Variants in UROS observed in about 807,000 individuals in gnomAD.
The protein encoded by UROS is uroporphyrinogen III synthase.
UROS carries 18 observed loss-of-function variants against 33.0 expected under a neutral mutation model. That is an observed-to-expected ratio of 0.55 (90% CI 0.38 to 0.81). The LOEUF (loss-of-function observed/expected upper bound fraction) is 0.81. Ranked by LOEUF, UROS falls within the 30% of genes least tolerant of loss-of-function variation. The pLI, the probability that UROS is intolerant of heterozygous loss-of-function variation, is 0.00. For missense variants in UROS, 293 were observed against 314.9 expected (o/e 0.93, Z 0.53); for synonymous variants, 114 against 121.1 (o/e 0.94, Z 0.38).
intron 1 of UROS, chr10:125,819,670 AC>A (rs986577503): frequency 6.5e-6 from 1 of 152,742 alleles, no homozygotes; most frequent in African/African-American, 2.4e-5. Flanking sequence ...GATCAGAGGC[AC>A]TATATGGCCC....
intron 7 of UROS, 85 bp from the exon 8 acceptor site, chr10:125,796,273 C>T: frequency 7.6e-7 from 1 of 1,310,326 alleles, no homozygotes; most frequent in East Asian, 2.3e-5. Flanking sequence ...GTTGGTGAAA[C>T]CTCCCAATAC....
At chr10:125,801,745 T>C (rs1169942142) in intron 6 of UROS, among the ~76,000 whole-genome samples, 1 of 152,224 alleles carries the variant, frequency 6.6e-6, no homozygotes, top group Non-Finnish European at 1.5e-5. Context: ...CCAGATAAGG[T>C]CAGAATATGT....
chr10:125,816,625 T>C lies in UROS; in HGVS notation c.-26-100A>G, dbSNP rs903406187. The C allele has an allele frequency of 2.2e-5, 26 of 1,195,804 alleles. No individual in the cohort carries two copies. In the African/African-American group the frequency reaches 3.4e-4, roughly 16 times the overall value. 74.1% of individuals were successfully genotyped at this position (1,195,804 alleles called of 1,614,324 possible). ...ACACAAGAAGAAGGCAATCAAATGC[T>C]TGTGGAAGAGACCTATCCCTCCTAC... On this transcript the variant is annotated intron_variant, in intron 1 of 9. Transcript: ENST00000368797.
At chr10:125,807,639 G>A (rs746669454) in intron 5 of UROS, 152 bp from the exon 6 acceptor site, 9 of 708,686 alleles carry the variant, frequency 1.3e-5, no homozygotes, top group Non-Finnish European at 2.3e-5. Context: ...AAGATCACAA[G>A]TGTCTGTTCA....
At chr10:125,796,637 C>T (rs918813734) in intron 7 of UROS, among the ~76,000 whole-genome samples, 1 of 151,992 alleles carries the variant, frequency 6.6e-6, no homozygotes, top group Admixed American at 6.5e-5. Flanking sequence ...CATGGCCACG[C>T]GTCCCCTCTC....
intron 7 of UROS, chr10:125,796,855 C>T (rs1339483939): frequency 5.1e-6 from 5 of 985,304 alleles, no homozygotes; most frequent in Non-Finnish European, 6.0e-6. Context: ...AGTGAAAACT[C>T]AGGCTTCTGA....
intron 5 of UROS, among the ~76,000 whole-genome samples, chr10:125,810,079 T>C (rs1852672298): frequency 6.6e-6 from 1 of 152,174 alleles, no homozygotes; most frequent in South Asian, 2.1e-4. Context: ...CTAACCTGAT[T>C]CCCAGGCTCT....
At chr10:125,818,589 A>G (rs1166204151) in intron 1 of UROS, among the ~76,000 whole-genome samples, 1 of 152,172 alleles carries the variant, frequency 6.6e-6, no homozygotes, top group Non-Finnish European at 1.5e-5. Context: ...CTGATTGGGA[A>G]AGAAATCAAT....
chr10:125,806,994 G>A (rs570755257), intron 6 of UROS, among the ~76,000 whole-genome samples: 164 of 152,182 alleles, frequency 1.1e-3, no homozygotes, highest in Non-Finnish European at 1.5e-3. Flanking sequence ...GCCCAATCAT[G>A]AGTCAGTTCT....
chr10:125,821,278 A>G (rs907524777), intron 1 of UROS, among the ~76,000 whole-genome samples: 1 of 152,272 alleles, frequency 6.6e-6, no homozygotes, highest in Non-Finnish European at 1.5e-5. Flanking sequence ...AATGTGGTCT[A>G]TACATGCAAT....
intron 6 of UROS, chr10:125,802,846 G>A (rs1851958630): frequency 1.3e-6 from 2 of 1,507,364 alleles, no homozygotes; most frequent in South Asian, 1.3e-5. Context: ...TTGAGGTCAG[G>A]AGGTCCCAGC....
At chr10:125,815,240 A>C in intron 3 of UROS, 110 bp from the exon 4 acceptor site, 1 of 1,189,186 alleles carries the variant, frequency 8.4e-7, no homozygotes, top group Non-Finnish European at 1.2e-6. Context: ...TAGGCAAACT[A>C]ATTCCTTCCA....
chr10:125,799,117 C>T (rs535089700), intron 6 of UROS, among the ~76,000 whole-genome samples: 1 of 152,304 alleles, frequency 6.6e-6, no homozygotes, highest in Admixed American at 6.5e-5. Flanking sequence ...TCCAGTACCA[C>T]CTCTAGCAAG....
chr10:125,796,044 C>T, intron 8 of UROS, 59 bp downstream of exon 8: 4 of 1,494,790 alleles, frequency 2.7e-6, no homozygotes, highest in Non-Finnish European at 3.7e-6. Context: ...GTGCCCTTCA[C>T]CCTCTGCTTC....
At chr10:125,809,271 G>A (rs1364022299) in intron 5 of UROS, among the ~76,000 whole-genome samples, 1 of 152,234 alleles carries the variant, frequency 6.6e-6, no homozygotes, top group Non-Finnish European at 1.5e-5. Context: ...ATGGCGCCCA[G>A]GTCCAACTTT....
In UROS at chr10:125,818,553, C is replaced by T. The variant is rs150985528; in HGVS notation, c.-26-2028G>A. 6.8e-4 allele frequency among the ~76,000 whole-genome samples: 103 copies of T among 152,130 alleles called. No homozygotes were observed. The South Asian group carries it at 0.01, about 15-fold the overall frequency. On this transcript the variant is annotated intron_variant, in intron 1 of 9. Coordinates refer to ENST00000368797, the MANE Select transcript of UROS (RefSeq NM_000375.3). ...AGGTTCTGTTGTTGATGATTCTTTGCTGTGCTAGAGTCACATATTATCAGG... is the reference window on the plus strand; with the variant it reads ...AGGTTCTGTTGTTGATGATTCTTTGTTGTGCTAGAGTCACATATTATCAGG...
chr10:125,799,892 C>G (rs1028603728), intron 6 of UROS, among the ~76,000 whole-genome samples: 1 of 152,160 alleles, frequency 6.6e-6, no homozygotes, highest in Non-Finnish European at 1.5e-5. Context: ...GAGTTATTCC[C>G]TTTTGGAATA....
rs572750370 is a variant in UROS at position 125,792,415 on chromosome 10, G to A, written c.660+2465C>T. ...AAACTGGACGTGAGTGCACCAGCCT[G>A]GCTTTGGGGGCAGCAGCCACGTTCA... is the stretch of plus-strand genomic sequence containing the variant. On this transcript the variant is annotated intron_variant, in intron 9 of 9. Transcript: ENST00000368797. 3.3e-5 allele frequency: 5 copies of A among 152,352 alleles called. No homozygotes were observed. In the South Asian group the frequency reaches 1.0e-3, roughly 32 times the overall value. 9.4% of individuals were successfully genotyped at this position (152,352 alleles called of 1,614,324 possible).
At chr10:125,808,134 G>C (rs1192174973) in intron 5 of UROS, among the ~76,000 whole-genome samples, 9 of 152,158 alleles carry the variant, frequency 5.9e-5, no homozygotes, top group Admixed American at 5.9e-4. Flanking sequence ...ACAGACTCAG[G>C]CTCCCCCTGC....
Sources: allele counts gnomAD v4.1 joint callset (sites outside exome capture counted in the v4.1 genomes callset), GRCh38; gene constraint gnomAD v4.1.1; transcripts MANE v1.5; gene names NCBI Gene and HGNC (gene_info 2026-07-23, HGNC 2026-07-21).